Variants in RBFOX1 observed in about 807,000 individuals in gnomAD.
RBFOX1 encodes RNA binding fox-1 homolog 1.
A neutral mutation model predicts 57.7 loss-of-function variants in RBFOX1; 8 were observed. The observed-to-expected ratio is 0.14, with a 90% CI of 0.08 to 0.25. The LOEUF is 0.25. RBFOX1 is among the 10% of genes least tolerant of loss of function. The pLI is 1.00. For synonymous variants in RBFOX1, 326 were observed against 222.4 expected (o/e 1.47, Z -4.15); for missense variants, 611 against 548.5 (o/e 1.11, Z -1.14).
chr16:5,829,613 T>G (rs928858289), intron 3 of RBFOX1, among the ~76,000 whole-genome samples: 6 of 152,032 alleles, frequency 3.9e-5, no homozygotes, highest in African/African-American at 1.5e-4. Context: ...TCTTTCTCTC[T>G]TCAGTAACAG....
intron 2 of RBFOX1, among the ~76,000 whole-genome samples, chr16:5,590,177 T>C (rs2046961796): frequency 6.6e-6 from 1 of 152,084 alleles, no homozygotes; most frequent in African/African-American, 2.4e-5. Flanking sequence ...TTTCCTGCAG[T>C]CTGAAACGAT....
chr16:5,765,859 G>C (rs1006986607), intron 3 of RBFOX1, among the ~76,000 whole-genome samples: 1 of 152,184 alleles, frequency 6.6e-6, no homozygotes, highest in South Asian at 2.1e-4. Flanking sequence ...AGTGTGGAAG[G>C]ATTCCTAGTC....
At chr16:7,225,767 G>T (rs1467474175) in intron 4 of RBFOX1, among the ~76,000 whole-genome samples, 29 of 91,038 alleles carry the variant, frequency 3.2e-4, no homozygotes, top group Middle Eastern at 0.011. Flanking sequence ...GGTGGGGGGA[G>T]GGGGGAGGGA....
chr16:7,344,525 C>G (rs977731683), intron 4 of RBFOX1, among the ~76,000 whole-genome samples: 6 of 150,730 alleles, frequency 4.0e-5, no homozygotes, highest in African/African-American at 9.7e-5. Flanking sequence ...TTAGATGACA[C>G]ATATCATTGT....
intron 2 of RBFOX1, among the ~76,000 whole-genome samples, chr16:6,357,137 G>T (rs2087483172): frequency 6.6e-6 from 1 of 151,982 alleles, no homozygotes; most frequent in Non-Finnish European, 1.5e-5. Context: ...TTTTATTTTA[G>T]TTTGCTTCCA....
In RBFOX1 at chr16:6,063,464, GACACAC is replaced by G. The variant is rs772720519; in HGVS notation, c.-127+43509_-127+43514del. ...TCATTAGCGTCTGTTCTCTTTCTCCGACACACACACACACACACACACACACACACA... is the reference window on the plus strand; with the variant it reads ...TCATTAGCGTCTGTTCTCTTTCTCCGACACACACACACACACACACACACA... On this transcript the variant is annotated intron_variant, in intron 1 of 15. Coordinates refer to ENST00000550418, the MANE Select transcript of RBFOX1 (RefSeq NM_018723.4). Among the ~76,000 whole-genome samples, 710 of 86,436 alleles carry G rather than the reference GACACAC, an allele frequency of 8.2e-3. 5 individuals carry two copies. Among genetic ancestry groups the G allele is most frequent in the Admixed American group, 0.03 (250 of 8,258 alleles). 56.7% of individuals were successfully genotyped at this position (86,436 alleles called of 152,430 possible).
intron 1 of RBFOX1, among the ~76,000 whole-genome samples, chr16:6,118,864 A>T (rs1356111091): frequency 1.3e-5 from 2 of 151,094 alleles, no homozygotes; most frequent in Non-Finnish European, 2.9e-5. Context: ...CTAATCCTGC[A>T]CATGAGGGCT....
At chr16:6,971,038 A>G (rs144202823) in intron 3 of RBFOX1, among the ~76,000 whole-genome samples, 8 of 152,200 alleles carry the variant, frequency 5.3e-5, no homozygotes, top group Admixed American at 6.5e-5. Context: ...GAACCATACT[A>G]TCTAATCTGT....
intron 1 of RBFOX1, among the ~76,000 whole-genome samples, chr16:5,404,178 A>G (rs9922640): frequency 0.057 from 8,652 of 151,844 alleles, 819 homozygotes; most frequent in African/African-American, 0.2. Flanking sequence ...ATGGTGAGGA[A>G]TTAGTTAATT....
At chr16:7,236,513 A>C (rs2093775245) in intron 4 of RBFOX1, among the ~76,000 whole-genome samples, 1 of 152,120 alleles carries the variant, frequency 6.6e-6, no homozygotes, top group Non-Finnish European at 1.5e-5. Context: ...CATTGCCATT[A>C]GGATTCTACT....
At chr16:7,364,228 G>A (rs538751414) in intron 4 of RBFOX1, among the ~76,000 whole-genome samples, 3 of 152,234 alleles carry the variant, frequency 2.0e-5, no homozygotes, top group African/African-American at 4.8e-5. Context: ...CCGGGCTAGC[G>A]GCTTTCCCAT....
At chr16:6,145,210 C>G (rs978335484) in intron 1 of RBFOX1, among the ~76,000 whole-genome samples, 3 of 152,064 alleles carry the variant, frequency 2.0e-5, no homozygotes, top group Non-Finnish European at 4.4e-5. Context: ...AGGAAAGGCC[C>G]TGGGTGTGTT....
intron 1 of RBFOX1, among the ~76,000 whole-genome samples, chr16:6,163,851 T>C (rs80122569): frequency 1.3e-5 from 2 of 152,272 alleles, no homozygotes; most frequent in African/African-American, 4.8e-5. Flanking sequence ...GAAAGGCCCA[T>C]ATAGGGAGGA....
intron 4 of RBFOX1, among the ~76,000 whole-genome samples, chr16:7,145,355 C>G (rs577357948): frequency 6.6e-6 from 1 of 152,132 alleles, no homozygotes; most frequent in East Asian, 1.9e-4. Context: ...CAGGCATGCA[C>G]CACCACATCT....
intron 2 of RBFOX1, among the ~76,000 whole-genome samples, chr16:6,555,262 A>G (rs1399311113): frequency 6.6e-6 from 1 of 152,170 alleles, no homozygotes; most frequent in African/African-American, 2.4e-5. Context: ...TCTTTAATTA[A>G]TTTCCTTTCA....
chr16:5,597,339 C>T (rs561680133), intron 2 of RBFOX1, among the ~76,000 whole-genome samples: 5 of 149,176 alleles, frequency 3.4e-5, no homozygotes, highest in South Asian at 4.3e-4. Flanking sequence ...GAGACACACA[C>T]GACCCTCTCT....
rs184368384 is a variant in RBFOX1 at position 7,600,673 on chromosome 16, A to G, written c.622+3242A>G. Among the ~76,000 whole-genome samples the G allele has an allele frequency of 2.2e-3, 336 of 152,354 alleles. 1 individual carries two copies. The highest frequency in any genetic ancestry group is 7.8e-3 in the African/African-American group (324 of 41,594). ...TTTCAGGTCATCTCCAGGTGATGAAATATAGTTATCAATGCCAGCATCACC... is the reference window on the plus strand; with the variant it reads ...TTTCAGGTCATCTCCAGGTGATGAAGTATAGTTATCAATGCCAGCATCACC... On this transcript the variant is annotated intron_variant, in intron 9 of 15. Coordinates refer to ENST00000550418, the MANE Select transcript of RBFOX1 (RefSeq NM_018723.4).
At chr16:6,629,959 G>GT (rs544517566) in intron 2 of RBFOX1, among the ~76,000 whole-genome samples, 1,546 of 134,410 alleles carry the variant, frequency 0.012, 14 homozygotes, top group African/African-American at 0.027. Flanking sequence ...ATTTCGGTAG[G>GT]TTTTTTTTTT....
intron 14 of RBFOX1, among the ~76,000 whole-genome samples, chr16:7,682,915 C>A (rs539337289): frequency 1.4e-5 from 2 of 144,476 alleles, no homozygotes; most frequent in Non-Finnish European, 3.0e-5. Context: ...AGACAGCTTT[C>A]GGGTAACTAG....
Sources: allele counts gnomAD v4.1 joint callset (sites outside exome capture counted in the v4.1 genomes callset), GRCh38; gene constraint gnomAD v4.1.1; transcripts MANE v1.5; gene names NCBI Gene and HGNC (gene_info 2026-07-23, HGNC 2026-07-21).